ZNF385B: variants seen among roughly 807,000 people sequenced by gnomAD.
ZNF385B encodes zinc finger protein 533.
Under a neutral mutation model 39.2 loss-of-function variants are expected in ZNF385B, and 23 were observed. That is an observed-to-expected ratio of 0.59 (90% CI 0.42 to 0.83). The LOEUF is 0.83. Among genes scored for constraint, ZNF385B ranks in the 40% least tolerant of loss-of-function variants. ZNF385B has a pLI of 0.00. For missense variants in ZNF385B, 552 were observed against 598.9 expected (o/e 0.92, Z 0.82); for synonymous variants, 205 against 222.6 (o/e 0.92, Z 0.70).
At chr2:179,605,965 C>T (rs939754929) in intron 3 of ZNF385B, among the ~76,000 whole-genome samples, 7 of 152,044 alleles carry the variant, frequency 4.6e-5, no homozygotes, top group Non-Finnish European at 8.8e-5. Context: ...CTTTTCAGCA[C>T]CAGTGAATTC....
At chr2:179,573,858 T>G (rs1340558338) in intron 3 of ZNF385B, among the ~76,000 whole-genome samples, 1 of 152,118 alleles carries the variant, frequency 6.6e-6, no homozygotes. Flanking sequence ...TTTTTTACAT[T>G]TCAGTCTCTG....
Position 179,550,360 on chromosome 2 carries a change from G to C in ZNF385B, c.299-5391C>G, listed in dbSNP as rs1184263491. 4.7e-5 allele frequency among the ~76,000 whole-genome samples: 7 copies of C among 149,262 alleles called. 1 individual carries two copies. On this transcript the variant is annotated intron_variant, in intron 3 of 9. Transcript: ENST00000410066. ...TGTAATAACAAACCCAAATCAAATA[G>C]AATGCAACAGGGAACTTCACAAACA...
chr2:179,721,371 A>G (rs1700689965), intron 3 of ZNF385B, among the ~76,000 whole-genome samples: 2 of 152,170 alleles, frequency 1.3e-5, no homozygotes, highest in Admixed American at 1.3e-4. Flanking sequence ...TTTATGTAAG[A>G]TTGGTTATAA....
intron 3 of ZNF385B, among the ~76,000 whole-genome samples, chr2:179,700,791 A>G (rs886713179): frequency 6.6e-6 from 1 of 152,166 alleles, no homozygotes; most frequent in African/African-American, 2.4e-5. Context: ...AGGCAGGCGG[A>G]TCACGAGGAC....
chr2:179,605,800 A>G (rs1688754258), intron 3 of ZNF385B, among the ~76,000 whole-genome samples: 1 of 152,160 alleles, frequency 6.6e-6, no homozygotes, highest in Non-Finnish European at 1.5e-5. Context: ...AGCTTTCACT[A>G]TCAAAGATTA....
chr2:179,735,572 C>T (rs1175303080), intron 3 of ZNF385B, among the ~76,000 whole-genome samples: 2 of 142,470 alleles, frequency 1.4e-5, no homozygotes, highest in Non-Finnish European at 3.1e-5. Flanking sequence ...GCTATAAAGA[C>T]ACATGCACAC....
chr2:179,461,535 T>C (rs1233688066), intron 6 of ZNF385B, among the ~76,000 whole-genome samples: 1 of 152,202 alleles, frequency 6.6e-6, no homozygotes, highest in African/African-American at 2.4e-5. Context: ...TAGTGGGTGA[T>C]GTCATTTACT....
intron 4 of ZNF385B, among the ~76,000 whole-genome samples, chr2:179,543,574 A>T (rs954497948): frequency 8.5e-5 from 13 of 152,158 alleles, no homozygotes; most frequent in Non-Finnish European, 2.9e-5. Context: ...GTGTTCTGGG[A>T]TGCAGCGGGT....
rs948483827 is a variant in ZNF385B at position 179,795,859 on chromosome 2, G to A, written c.-154-25187C>T. Reference sequence around the variant, plus strand: ...AGTTTAATTGAATCTCTTTTTGAACGTCCATATATCTTGAAGCCATTCAGC... The same window carrying A: ...AGTTTAATTGAATCTCTTTTTGAACATCCATATATCTTGAAGCCATTCAGC... On this transcript the variant is annotated intron_variant, in intron 1 of 9. Coordinates refer to ENST00000410066, the MANE Select transcript of ZNF385B (RefSeq NM_152520.6). Among the ~76,000 whole-genome samples the A allele has an allele frequency of 5.9e-5, 9 of 151,944 alleles. No individual in the cohort carries two copies. In the East Asian group the frequency reaches 9.6e-4, roughly 16 times the overall value.
At chr2:179,552,641 G>T (rs886711000) in intron 3 of ZNF385B, among the ~76,000 whole-genome samples, 1 of 148,582 alleles carries the variant, frequency 6.7e-6, no homozygotes, top group African/African-American at 2.5e-5. Context: ...TGCCATCACC[G>T]CATCTCCTCC....
intron 3 of ZNF385B, chr2:179,562,371 T>C: frequency 2.0e-6 from 2 of 984,462 alleles, no homozygotes; most frequent in Non-Finnish European, 2.4e-6. Context: ...CCTTAAGATG[T>C]AAATGTGGGT....
intron 1 of ZNF385B, among the ~76,000 whole-genome samples, chr2:179,858,353 A>G (rs1005863597): frequency 2.6e-5 from 4 of 152,330 alleles, no homozygotes; most frequent in African/African-American, 9.6e-5. Flanking sequence ...GTTGAGGCAC[A>G]TAAGAGCAAT....
chr2:179,560,477 A>T (rs2061257157), intron 3 of ZNF385B, among the ~76,000 whole-genome samples: 1 of 152,194 alleles, frequency 6.6e-6, no homozygotes, highest in African/African-American at 2.4e-5. Flanking sequence ...AAGAAATGCA[A>T]AAAGAATCCA....
In ZNF385B at chr2:179,569,010, A is replaced by G. The variant is rs550020785; in HGVS notation, c.299-24041T>C. Among the ~76,000 whole-genome samples the G allele has an allele frequency of 1.4e-4, 22 of 152,318 alleles. No individual in the cohort carries two copies. The South Asian group carries it at 3.7e-3, about 26-fold the overall frequency. ...AACACTTACATAACATTTATTATGC[A>G]CCAACACTGTTCTATACACTTATGT... On this transcript the variant is annotated intron_variant, in intron 3 of 9. Transcript: ENST00000410066.
At chr2:179,479,378 T>TAA (rs2053753593) in intron 6 of ZNF385B, among the ~76,000 whole-genome samples, 1 of 152,162 alleles carries the variant, frequency 6.6e-6, no homozygotes, top group Non-Finnish European at 1.5e-5. Flanking sequence ...TCTCTTTGCA[T>TAA]TGTACAGATC....
intron 1 of ZNF385B, among the ~76,000 whole-genome samples, chr2:179,859,704 A>C (rs1198393310): frequency 6.6e-6 from 1 of 152,250 alleles, no homozygotes; most frequent in Non-Finnish European, 1.5e-5. Flanking sequence ...GGAATATAGA[A>C]TCTGAAAAAC....
intron 1 of ZNF385B, among the ~76,000 whole-genome samples, chr2:179,786,342 T>C (rs1276583281): frequency 1.3e-5 from 2 of 152,154 alleles, no homozygotes; most frequent in African/African-American, 2.4e-5. Context: ...ATTTGTCTAG[T>C]TTTATAAATG....
chr2:179,538,411 G>A (rs2059717117), intron 4 of ZNF385B, among the ~76,000 whole-genome samples: 2 of 152,216 alleles, frequency 1.3e-5, no homozygotes, highest in African/African-American at 4.8e-5. Flanking sequence ...TTCATGGGAA[G>A]CATAGCACGA....
At chr2:179,545,004 T>G (rs2060141166) in intron 3 of ZNF385B, 35 bp from the exon 4 acceptor site, 1 of 1,613,066 alleles carries the variant, frequency 6.2e-7, no homozygotes, top group African/African-American at 1.3e-5. Flanking sequence ...ATTCAATTTC[T>G]TGCTCACATC....
Sources: allele counts gnomAD v4.1 joint callset (sites outside exome capture counted in the v4.1 genomes callset), GRCh38; gene constraint gnomAD v4.1.1; transcripts MANE v1.5; gene names NCBI Gene and HGNC (gene_info 2026-07-23, HGNC 2026-07-21).